HCN1: variants seen among roughly 807,000 people sequenced by gnomAD.
HCN1 encodes hyperpolarization activated cyclic nucleotide gated potassium channel 1.
In HCN1, 13 loss-of-function variants were observed where a neutral mutation model predicts 78.9. The observed-to-expected ratio is 0.16, with a 90% CI of 0.11 to 0.26. HCN1 has a LOEUF of 0.26. Ranked by LOEUF, HCN1 falls within the 10% of genes least tolerant of loss-of-function variation. HCN1 has a pLI of 1.00. For missense variants in HCN1, 810 were observed against 1,154.3 expected, an observed-to-expected ratio of 0.70 and a Z score of 4.32; for synonymous variants, 552 against 455.5, an observed-to-expected ratio of 1.21 and a Z score of -2.70.
intron 2 of HCN1, among the ~76,000 whole-genome samples, chr5:45,533,911 G>A (rs1742910965): frequency 1.3e-5 from 2 of 152,132 alleles, no homozygotes; most frequent in South Asian, 4.1e-4. Flanking sequence ...CAGTTCTGTG[G>A]GCTCGAAGCC....
rs534187644 is a variant in HCN1, at chr5:45,437,699, C to CA, written c.1011+24146dup. Among the ~76,000 whole-genome samples, 55 of 152,198 alleles carry CA rather than the reference C, an allele frequency of 3.6e-4. 1 individual carries two copies. In the East Asian group the frequency reaches 7.2e-3, roughly 20 times the overall value. On this transcript the variant is annotated intron_variant, in intron 3 of 7. Transcript: ENST00000303230. ...TTGGAAGCTTCCTTGGCTATGCTGA[C>CA]AAAAAATACAAGATACAATGCCAGG... is the stretch of plus-strand genomic sequence containing the variant.
Position 45,259,382 on chromosome 5 carries a change from A to T in HCN1, c.*2539T>A, listed in dbSNP as rs1744685270. ...TGTTGTAAGAATCAGCTATTCTATT[A>T]TCTTTCCAGCAGCAGAAAGACCAAT... On this transcript the variant is annotated 3_prime_UTR_variant, in exon 8 of 8. Coordinates refer to ENST00000303230, the MANE Select transcript of HCN1 (RefSeq NM_021072.4). 6.6e-6 allele frequency: 1 copy of T among 152,406 alleles called. No individual in the cohort carries two copies. The highest frequency in any genetic ancestry group is 2.4e-5 in the African/African-American group (1 of 41,442). The allele number at this position is 152,406 out of a possible 1,614,324, so 9.4% of individuals were successfully genotyped here. A position where few individuals can be genotyped will look rare whatever the true frequency, so the allele number is the denominator to read the frequency against.
At chr5:45,668,259 T>A (rs1411352155) in intron 1 of HCN1, among the ~76,000 whole-genome samples, 1 of 151,880 alleles carries the variant, frequency 6.6e-6, no homozygotes, top group African/African-American at 2.4e-5. Flanking sequence ...CAAATTGTAA[T>A]CCCCGTGTGT....
intron 2 of HCN1, among the ~76,000 whole-genome samples, chr5:45,631,091 G>T (rs1745262269): frequency 6.6e-6 from 1 of 152,124 alleles, no homozygotes; most frequent in African/African-American, 2.4e-5. Flanking sequence ...CAACCTGGTT[G>T]GTGATTTTAT....
At chr5:45,433,822 G>A (rs1307073792) in intron 3 of HCN1, among the ~76,000 whole-genome samples, 3 of 152,142 alleles carry the variant, frequency 2.0e-5, no homozygotes, top group African/African-American at 7.2e-5. Context: ...TTTCTACATT[G>A]TGCCAGCAAG....
chr5:45,395,846 TG>T (rs1269872433), intron 4 of HCN1, among the ~76,000 whole-genome samples: 2 of 151,198 alleles, frequency 1.3e-5, no homozygotes, highest in African/African-American at 4.9e-5. Flanking sequence ...ATTCTTCATG[TG>T]GGAAAAAAAA....
At chr5:45,602,974 T>G (rs978630753) in intron 2 of HCN1, among the ~76,000 whole-genome samples, 1 of 152,216 alleles carries the variant, frequency 6.6e-6, no homozygotes, top group East Asian at 1.9e-4. Flanking sequence ...TCTGTCCAAT[T>G]CCACAGGGAA....
Position 45,445,192 on chromosome 5 carries a change from C to G in HCN1, c.1011+16654G>C, listed in dbSNP as rs556742109. On this transcript the variant is annotated intron_variant, in intron 3 of 7. Transcript: ENST00000303230. ...GGGTCACTCCCACCCGAATACTGCACTTTTCTGACGGGCTTAGAAAACGGC... is the reference window on the plus strand; with the variant it reads ...GGGTCACTCCCACCCGAATACTGCAGTTTTCTGACGGGCTTAGAAAACGGC... Among the ~76,000 whole-genome samples the G allele has an allele frequency of 2.6e-5, 4 of 152,324 alleles. No individual in the cohort carries two copies. In the South Asian group the frequency reaches 8.3e-4, roughly 32 times the overall value.
At chr5:45,693,233 T>G (rs1031490580) in intron 1 of HCN1, among the ~76,000 whole-genome samples, 8 of 152,318 alleles carry the variant, frequency 5.3e-5, no homozygotes, top group Admixed American at 5.2e-4. Context: ...TTAGAAAATC[T>G]TATATTGGTT....
chr5:45,333,238 A>G (rs1198313336), intron 5 of HCN1, among the ~76,000 whole-genome samples: 2 of 151,726 alleles, frequency 1.3e-5, no homozygotes, highest in Non-Finnish European at 3.0e-5. Flanking sequence ...CTGATGACCA[A>G]TGATGATGAA....
chr5:45,426,578 T>A (rs763610781), intron 3 of HCN1, among the ~76,000 whole-genome samples: 22 of 152,204 alleles, frequency 1.4e-4, no homozygotes, highest in Non-Finnish European at 1.9e-4. Context: ...GACATAACTT[T>A]GCTCTTTCTT....
intron 1 of HCN1, among the ~76,000 whole-genome samples, chr5:45,652,069 T>C (rs1580020155): frequency 1.3e-5 from 2 of 151,976 alleles, no homozygotes; most frequent in East Asian, 3.9e-4. Context: ...TGCATTGTTT[T>C]AGCTACTCAT....
chr5:45,332,721 A>C (rs1277253739), intron 5 of HCN1, among the ~76,000 whole-genome samples: 1 of 151,658 alleles, frequency 6.6e-6, no homozygotes, highest in African/African-American at 2.4e-5. Context: ...GATTCCACAA[A>C]AAAGTGAGAA....
chr5:45,530,499 T>A (rs1742820375), intron 2 of HCN1, among the ~76,000 whole-genome samples: 1 of 151,396 alleles, frequency 6.6e-6, no homozygotes, highest in Non-Finnish European at 1.5e-5. Context: ...ATTACACAAT[T>A]AGTAAGGACT....
At chr5:45,588,474 C>T (rs1472652009) in intron 2 of HCN1, among the ~76,000 whole-genome samples, 1 of 152,126 alleles carries the variant, frequency 6.6e-6, no homozygotes, top group East Asian at 1.9e-4. Context: ...GCTGTGTATG[C>T]CAAATCCTAG....
chr5:45,495,483 G>A (rs1469713061), intron 2 of HCN1, among the ~76,000 whole-genome samples: 1 of 151,314 alleles, frequency 6.6e-6, no homozygotes, highest in Admixed American at 6.6e-5. Flanking sequence ...TTGCTTATCA[G>A]CTTAAGGAGA....
intron 1 of HCN1, among the ~76,000 whole-genome samples, chr5:45,679,481 G>A (rs943757062): frequency 5.9e-5 from 9 of 151,980 alleles, no homozygotes; most frequent in South Asian, 2.1e-4. Context: ...AAATAACTAT[G>A]ATGGAGAATG....
chr5:45,590,965 G>A (rs1306003729), intron 2 of HCN1, among the ~76,000 whole-genome samples: 2 of 151,970 alleles, frequency 1.3e-5, no homozygotes, highest in Non-Finnish European at 2.9e-5. Flanking sequence ...TCGAGCAACT[G>A]GGACTACAGG....
chr5:45,266,258 C>T (rs897857644), intron 7 of HCN1, among the ~76,000 whole-genome samples: 4 of 151,750 alleles, frequency 2.6e-5, no homozygotes, highest in African/African-American at 7.3e-5. Context: ...TTGATGTTTG[C>T]GAGGTAAAGC....
Sources: gnomAD v4.1 joint callset for allele counts (sites outside exome capture counted in the v4.1 genomes callset) on GRCh38, gnomAD v4.1.1 for gene constraint, MANE v1.5 for transcripts, NCBI Gene and HGNC (gene_info 2026-07-23, HGNC 2026-07-21) for gene names.